CELSR1: variants seen among roughly 807,000 people sequenced by gnomAD.
CELSR1 encodes cadherin EGF LAG seven-pass G-type receptor 1.
Under a neutral mutation model 249.1 loss-of-function variants are expected in CELSR1, and 110 were observed. The ratio of observed to expected loss-of-function variants is 0.44; its 90% CI spans 0.38 to 0.52. The LOEUF (loss-of-function observed/expected upper bound fraction) is 0.52. Among genes scored for constraint, CELSR1 ranks in the 20% least tolerant of loss-of-function variants. The probability of loss-of-function intolerance (pLI) is 0.00; values close to 1 mark genes in which losing one functional copy is unlikely to be tolerated. For synonymous variants in CELSR1, 2,113 were observed against 1,900.0 expected, an observed-to-expected ratio of 1.11 and a Z score of -2.92; for missense variants, 4,109 against 4,296.4, an observed-to-expected ratio of 0.96 and a Z score of 1.22.
chr22:46,455,656 G>A (rs1458880370), intron 2 of CELSR1, among the ~76,000 whole-genome samples: 3 of 152,212 alleles, frequency 2.0e-5, no homozygotes, highest in African/African-American at 7.2e-5. Flanking sequence ...ATCGGTTACA[G>A]CAGCCCCAGG....
rs2079092772 is a variant in CELSR1 at position 46,391,621 on chromosome 22, G to A, written c.6148+12C>T. 1 of 1,583,008 alleles carries A rather than the reference G, an allele frequency of 6.3e-7. No homozygotes were observed. Among genetic ancestry groups the A allele is most frequent in the African/African-American group, 1.3e-5 (1 of 74,246 alleles). On this transcript the variant is annotated intron_variant, in intron 15 of 34. Coordinates refer to ENST00000674500, the MANE Select transcript of CELSR1 (RefSeq NM_001378328.1). The surrounding 1 kb of genome is among the most constrained non-coding windows in gnomAD (Gnocchi z 4.3). Reference sequence around the variant, plus strand: ...CGCTGTAACCTGCAGGGTGTCGAGGGGCAACGCGGACCTTCACAGCCGAGC... The same window carrying A: ...CGCTGTAACCTGCAGGGTGTCGAGGAGCAACGCGGACCTTCACAGCCGAGC...
chr22:46,465,421 C>T (rs774919868), intron 1 of CELSR1, among the ~76,000 whole-genome samples: 2 of 152,066 alleles, frequency 1.3e-5, no homozygotes, highest in Non-Finnish European at 2.9e-5. Flanking sequence ...TCAGTAACTG[C>T]CCCAGTCAGG....
chr22:46,501,006 ATTTATTTTATTTTATTT>A (rs1043842849), intron 1 of CELSR1, among the ~76,000 whole-genome samples: 6 of 150,016 alleles, frequency 4.0e-5, no homozygotes, highest in Admixed American at 1.3e-4. Context: ...TTATTTATTT[ATTTATTTTATTTTATTT>A]TTTATTTTAT....
At chr22:46,470,096 T>A (rs1490267786) in intron 1 of CELSR1, among the ~76,000 whole-genome samples, 2 of 140,498 alleles carry the variant, frequency 1.4e-5, no homozygotes, top group African/African-American at 5.3e-5. Context: ...TCATGTGAGC[T>A]ATTTTTTTGT....
rs12628978 is a variant in CELSR1 at position 46,437,762 on chromosome 22, A to G, written c.4406+1427T>C. ...AGCAAGACTCCGTCTCAAAAAAAAA[A>G]AAAAAACTGATGGTTCCCAACTGTC... On this transcript the variant is annotated intron_variant, in intron 3 of 34. Coordinates refer to ENST00000674500, the MANE Select transcript of CELSR1 (RefSeq NM_001378328.1). The surrounding 1 kb of genome is among the most constrained non-coding windows in gnomAD (Gnocchi z 4.9). Among the ~76,000 whole-genome samples, 31,321 of 151,782 alleles carry G rather than the reference A, an allele frequency of 0.21. 3,892 individuals carry two copies. Among genetic ancestry groups the G allele is most frequent in the Middle Eastern group, 0.4 (117 of 294 alleles).
rs1328982919 is a variant in CELSR1 at position 46,410,477 on chromosome 22, C to T, written c.4854G>A (p.Val1618=). Residue 1618 remains valine, a synonymous_variant, in exon 7 of 35, where the codon GTG becomes GTA. Transcript: ENST00000674500. The surrounding 1 kb of genome is among the most constrained non-coding windows in gnomAD (Gnocchi z 6.8). ...CGACTGACAGGTTCCGCATGCAGCC[C>T]ACGAACTGCCGGTTGTGCACTGGGA... is the stretch of plus-strand genomic sequence containing the variant. ...EDFPVHNRQF[V]GCMRNLSVDG... 3 of 1,614,094 alleles carry T rather than the reference C, an allele frequency of 1.9e-6. No homozygotes were observed. The highest frequency in any genetic ancestry group is 2.5e-6 in the Non-Finnish European group (3 of 1,180,036).
At chr22:46,501,569 C>T (rs1036451594) in intron 1 of CELSR1, among the ~76,000 whole-genome samples, 1 of 152,182 alleles carries the variant, frequency 6.6e-6, no homozygotes, top group Non-Finnish European at 1.5e-5. Context: ...CGTGAAGTGG[C>T]ATCTCATAGG....
At chr22:46,463,376 C>T (rs2080054384) in intron 2 of CELSR1, among the ~76,000 whole-genome samples, 1 of 152,124 alleles carries the variant, frequency 6.6e-6, no homozygotes, top group Non-Finnish European at 1.5e-5. Context: ...ATTAGCTGGG[C>T]GTGGTGGCCT....
chr22:46,369,296 G>A (rs181383885), intron 26 of CELSR1, 38 bp from the exon 27 acceptor site: 300 of 103,950 alleles, frequency 2.9e-3, no homozygotes, highest in Admixed American at 7.8e-3. Flanking sequence ...CTTCTCTCTC[G>A]TCACTGCAGA....
At chr22:46,457,855 G>C (rs549814042) in intron 2 of CELSR1, among the ~76,000 whole-genome samples, 2 of 152,324 alleles carry the variant, frequency 1.3e-5, no homozygotes, top group East Asian at 3.9e-4. Flanking sequence ...GTTCCTCCTA[G>C]CTCAGCACCA....
In CELSR1 at chr22:46,537,365, G is replaced by A. The variant is rs550966836; in HGVS notation, c.-195C>T. On this transcript the variant is annotated 5_prime_UTR_variant, in exon 1 of 35. Transcript: ENST00000674500. The surrounding 1 kb of genome is among the most constrained non-coding windows in gnomAD (Gnocchi z 5.8). The stretch of plus-strand genomic sequence containing the variant: ...CGGCCTCCCCCGCAGCTTCCACTTC[G>A]AGAGCACTTTGCGAAAGTTTGCGAA... 1.4e-4 allele frequency among the ~76,000 whole-genome samples: 21 copies of A among 148,716 alleles called. 1 individual carries two copies. The South Asian group carries it at 1.5e-3, about 10-fold the overall frequency.
Position 46,439,401 on chromosome 22 carries a change from A to T in CELSR1, c.4194T>A (p.Cys1398Ter). Residue 1398 changes from cysteine (C) to a stop codon, truncating the protein, a stop_gained, in exon 3 of 35, where the codon TGT becomes TGA. Coordinates refer to ENST00000674500, the MANE Select transcript of CELSR1 (RefSeq NM_001378328.1). LOFTEE classifies it high-confidence loss of function. ...ECFEDFTGEH[C>*]EVDARSGRCA... ...AGCGGCCTGAGCGGGCATCCACCTC[A>T]CAGTGCTCTCCTGGGGGGCGAGAGG... The T allele has an allele frequency of 6.2e-7, 1 of 1,612,614 alleles. No homozygotes were observed.
chr22:46,451,949 C>T (rs867866431), intron 2 of CELSR1, among the ~76,000 whole-genome samples: 127 of 152,276 alleles, frequency 8.3e-4, no homozygotes, highest in African/African-American at 3.0e-3. Context: ...GGCTGGTGCA[C>T]AGGGAGGCAG....
At position 46,407,058 on chromosome 22, in the gene CELSR1, C is replaced by A. The variant is rs773057007; in HGVS notation, c.5226+1938G>T. On this transcript the variant is annotated intron_variant, in intron 9 of 34. Coordinates refer to ENST00000674500, the MANE Select transcript of CELSR1 (RefSeq NM_001378328.1). This position sits in a 1 kb window ranked among gnomAD's most constrained non-coding sequence, Gnocchi z 4.8. ...GGTGAGTGTTCCCGTGTGGCCGACC[C>A]CAAGGCAGGAGAGGAGGCTAACCTA... is the stretch of plus-strand genomic sequence containing the variant. 2.0e-5 allele frequency among the ~76,000 whole-genome samples: 3 copies of A among 152,154 alleles called. No homozygotes were observed. The highest frequency in any genetic ancestry group is 4.4e-5 in the Non-Finnish European group (3 of 68,028).
Position 46,536,684 on chromosome 22 carries a change from T to C in CELSR1, c.487A>G (p.Arg163Gly). ...LPACRCPPRPRPRCPGRPICL... is the reference protein window; with the variant it reads ...LPACRCPPRPGPRCPGRPICL... ...ATGGGACGGCCGGGACAGCGGGGCCTGGGGCGCGGCGGGCAGCGGCAGGCG... is the reference window on the plus strand; with the variant it reads ...ATGGGACGGCCGGGACAGCGGGGCCCGGGGCGCGGCGGGCAGCGGCAGGCG... The change falls in exon 1 of 35, where the codon AGG (arginine) becomes GGG (glycine). Residue 163 changes from arginine (R) to glycine (G), a missense_variant. Arg to Gly is a moderately radical substitution (Grantham distance 125). Coordinates refer to ENST00000674500, the MANE Select transcript of CELSR1 (RefSeq NM_001378328.1). The C allele has an allele frequency of 8.8e-7, 1 of 1,137,868 alleles. No homozygotes were observed. Among genetic ancestry groups the C allele is most frequent in the Non-Finnish European group, 1.1e-6 (1 of 932,130 alleles). The allele number at this position is 1,137,868 out of a possible 1,614,324, so 70.5% of individuals were successfully genotyped here. A position where few individuals can be genotyped will look rare whatever the true frequency, so the allele number is the denominator to read the frequency against.
At chr22:46,383,549 C>T (rs2079001434) in intron 20 of CELSR1, among the ~76,000 whole-genome samples, 1 of 152,320 alleles carries the variant, frequency 6.6e-6, no homozygotes, top group African/African-American at 2.4e-5. Flanking sequence ...CCCAACCAGA[C>T]AGGTTTTTGC....
chr22:46,380,730 T>C lies in CELSR1; in HGVS notation c.7256+58A>G, dbSNP rs959461108. ...CGCTCTGCCACTGAGCCCCCGACCCTGCGGGGGCACTCTGCCTTGGCAAAG... is the reference window on the plus strand; with the variant it reads ...CGCTCTGCCACTGAGCCCCCGACCCCGCGGGGGCACTCTGCCTTGGCAAAG... On this transcript the variant is annotated intron_variant, in intron 22 of 34. Transcript: ENST00000674500. This position sits in a 1 kb window ranked among gnomAD's most constrained non-coding sequence, Gnocchi z 5.1. The C allele has an allele frequency of 6.9e-6, 11 of 1,583,466 alleles. No homozygotes were observed. The Admixed American group carries it at 8.5e-5, about 12-fold the overall frequency.
Position 46,466,251 on chromosome 22 carries a change from G to A in CELSR1, c.3545-1906C>T, listed in dbSNP as rs146861700. Among the ~76,000 whole-genome samples, 12 of 152,256 alleles carry A rather than the reference G, an allele frequency of 7.9e-5. No homozygotes were observed. The East Asian group carries it at 1.9e-3, about 25-fold the overall frequency. On this transcript the variant is annotated intron_variant, in intron 1 of 34. Coordinates refer to ENST00000674500, the MANE Select transcript of CELSR1 (RefSeq NM_001378328.1). ...CAGAGAGTGCGTTCCTTCCCTCCCC[G>A]ACCCCAGCTGCTCCCACTCCGAAGG...
rs1398876969 is a variant in CELSR1 at position 46,536,117 on chromosome 22, C to T, written c.1054G>A (p.Val352Ile). 6.2e-7 allele frequency: 1 copy of T among 1,612,652 alleles called. No individual in the cohort carries two copies. Among genetic ancestry groups the T allele is most frequent in the East Asian group, 2.2e-5 (1 of 44,870 alleles). ...TCGCGGTACTCCGACTGCTCGAAGA[C>T]CGGGCTGTGGTCGTTGGTGTCTTTG... is the stretch of plus-strand genomic sequence containing the variant. ...LVKDTNDHSP[V>I]FEQSEYRERV... The change falls in exon 1 of 35, where the codon GTC becomes ATC. Residue 352 changes from valine to isoleucine, a missense_variant. Val to Ile is a conservative substitution (Grantham distance 29). Coordinates refer to ENST00000674500, the MANE Select transcript of CELSR1 (RefSeq NM_001378328.1).
Sources: allele counts gnomAD v4.1 joint callset (sites outside exome capture counted in the v4.1 genomes callset), GRCh38; gene constraint gnomAD v4.1.1; non-coding constraint Gnocchi (gnomAD v3.1); transcripts MANE v1.5; gene names NCBI Gene and HGNC (gene_info 2026-07-23, HGNC 2026-07-21).